Variants in SNX13 observed in about 807,000 individuals in gnomAD.
The protein encoded by SNX13 is sorting nexin 13.
SNX13 carries 45 observed loss-of-function variants against 133.6 expected under a neutral mutation model. The ratio of observed to expected loss-of-function variants is 0.34; its 90% CI spans 0.27 to 0.43. The LOEUF is 0.43. Ranked by LOEUF, SNX13 falls within the 20% of genes least tolerant of loss-of-function variation. The probability of loss-of-function intolerance (pLI) is 1.00; values close to 1 mark genes in which losing one functional copy is unlikely to be tolerated. For synonymous variants in SNX13, 414 were observed against 373.9 expected (o/e 1.11, Z -1.24); for missense variants, 1,032 against 1,145.1 (o/e 0.90, Z 1.43).
chr7:17,937,012 A>T (rs1201078452), intron 1 of SNX13, among the ~76,000 whole-genome samples: 13 of 146,408 alleles, frequency 8.9e-5, no homozygotes, highest in Non-Finnish European at 1.5e-4. Flanking sequence ...AAAAAAAATA[A>T]AATAAAATAA....
chr7:17,797,892 T>C (rs544048784), intron 24 of SNX13, among the ~76,000 whole-genome samples: 1 of 151,928 alleles, frequency 6.6e-6, no homozygotes, highest in East Asian at 1.9e-4. Context: ...TGAGAGCCTA[T>C]TCAACTTCTC....
chr7:17,839,101 T>C (rs1789537978), intron 13 of SNX13, among the ~76,000 whole-genome samples: 1 of 149,794 alleles, frequency 6.7e-6, no homozygotes, highest in African/African-American at 2.4e-5. Context: ...GCAATTCTAT[T>C]CTATATATGT....
At chr7:17,795,710 C>T (rs1226490010) in intron 25 of SNX13, 1 of 151,738 alleles carries the variant, frequency 6.6e-6, no homozygotes, top group East Asian at 1.9e-4. Flanking sequence ...CACATAATAA[C>T]TTTCAATAAA....
At chr7:17,876,267 T>C (rs184548215) in intron 5 of SNX13, among the ~76,000 whole-genome samples, 31 of 152,306 alleles carry the variant, frequency 2.0e-4, no homozygotes, top group African/African-American at 7.5e-4. Context: ...AACGTTCTGT[T>C]TGAATACACT....
At chr7:17,818,357 G>T (rs564737275) in intron 18 of SNX13, among the ~76,000 whole-genome samples, 6 of 151,930 alleles carry the variant, frequency 3.9e-5, no homozygotes, top group Non-Finnish European at 5.9e-5. Flanking sequence ...CTAATAAAAA[G>T]AAATAAAAAC....
intron 17 of SNX13, among the ~76,000 whole-genome samples, chr7:17,822,453 C>T (rs564046069): frequency 6.6e-6 from 1 of 152,122 alleles, no homozygotes; most frequent in African/African-American, 2.4e-5. Context: ...ATTCTCTGAC[C>T]TTACTTTCAA....
At chr7:17,908,624 T>A (rs1798634370) in intron 1 of SNX13, among the ~76,000 whole-genome samples, 1 of 152,246 alleles carries the variant, frequency 6.6e-6, no homozygotes. Context: ...TTGCCTCTTC[T>A]AAACTAGAAG....
At chr7:17,796,691 G>A in intron 25 of SNX13, 136 bp downstream of exon 25, 1 of 658,206 alleles carries the variant, frequency 1.5e-6, no homozygotes, top group Non-Finnish European at 2.7e-6. Flanking sequence ...GAAATGCCTA[G>A]TACAGTGCCT....
chr7:17,832,755 A>T (rs1221435495), intron 15 of SNX13, among the ~76,000 whole-genome samples: 1 of 151,516 alleles, frequency 6.6e-6, no homozygotes, highest in Non-Finnish European at 1.5e-5. Flanking sequence ...CATTATTCCA[A>T]TTGTACACAT....
intron 1 of SNX13, among the ~76,000 whole-genome samples, chr7:17,911,403 C>T (rs1368278420): frequency 6.6e-6 from 1 of 152,118 alleles, no homozygotes; most frequent in East Asian, 1.9e-4. Context: ...CTTTGGGAGG[C>T]TAAGGCAGGC....
intron 20 of SNX13, among the ~76,000 whole-genome samples, chr7:17,805,105 A>C (rs1300971050): frequency 2.0e-5 from 3 of 152,152 alleles, no homozygotes; most frequent in Non-Finnish European, 4.4e-5. Context: ...ATAAAACCAA[A>C]GAACAGAAAC....
At chr7:17,921,615 C>T (rs898407902) in intron 1 of SNX13, among the ~76,000 whole-genome samples, 2 of 152,206 alleles carry the variant, frequency 1.3e-5, no homozygotes, top group South Asian at 4.1e-4. Context: ...CCTGTAAAAG[C>T]CCCTGTTGTT....
intron 1 of SNX13, among the ~76,000 whole-genome samples, chr7:17,906,291 A>G (rs1209165507): frequency 6.6e-6 from 1 of 152,150 alleles, no homozygotes; most frequent in African/African-American, 2.4e-5. Flanking sequence ...AACATAGACA[A>G]AACTATTTCC....
At chr7:17,923,775 G>A (rs1479603947) in intron 1 of SNX13, among the ~76,000 whole-genome samples, 1 of 152,166 alleles carries the variant, frequency 6.6e-6, no homozygotes, top group African/African-American at 2.4e-5. Flanking sequence ...TAGGGCAGTG[G>A]AAGAGGACAC....
At chr7:17,931,345 A>G (rs1181041227) in intron 1 of SNX13, among the ~76,000 whole-genome samples, 1 of 109,890 alleles carries the variant, frequency 9.1e-6, no homozygotes, top group Non-Finnish European at 2.3e-5. Flanking sequence ...TAAAGTCAGA[A>G]CATTATTTCC....
intron 12 of SNX13, among the ~76,000 whole-genome samples, chr7:17,842,767 A>G (rs554280250): frequency 1.3e-5 from 2 of 152,206 alleles, no homozygotes; most frequent in African/African-American, 4.8e-5. Flanking sequence ...CACAATTTGT[A>G]AAGACTTAGT....
At chr7:17,833,709 C>T (rs1039444712) in intron 15 of SNX13, among the ~76,000 whole-genome samples, 2 of 151,614 alleles carry the variant, frequency 1.3e-5, no homozygotes, top group African/African-American at 4.8e-5. Flanking sequence ...TTACTTATTG[C>T]ATATTAAATC....
intron 9 of SNX13, among the ~76,000 whole-genome samples, chr7:17,865,772 T>A (rs1793323773): frequency 1.3e-5 from 2 of 152,226 alleles, no homozygotes; most frequent in African/African-American, 4.8e-5. Context: ...AACAGCAGGG[T>A]ACTGGCATAA....
intron 1 of SNX13, among the ~76,000 whole-genome samples, chr7:17,929,071 G>A (rs1343337741): frequency 6.6e-6 from 1 of 152,044 alleles, no homozygotes; most frequent in African/African-American, 2.4e-5. Flanking sequence ...GGGGTAGAAA[G>A]ATTAAAGGCT....
Sources: allele counts gnomAD v4.1 joint callset (sites outside exome capture counted in the v4.1 genomes callset), GRCh38; gene constraint gnomAD v4.1.1; transcripts MANE v1.5; gene names NCBI Gene and HGNC (gene_info 2026-07-23, HGNC 2026-07-21).